Variants in ARPC2 observed in about 807,000 individuals in gnomAD.
ARPC2 encodes actin related protein 2/3 complex subunit 2.
ARPC2 carries 4 observed loss-of-function variants against 38.6 expected under a neutral mutation model. That is an observed-to-expected ratio of 0.10 (90% CI 0.05 to 0.24). The LOEUF (loss-of-function observed/expected upper bound fraction) is 0.24, where lower values mean the gene tolerates loss of function less well. ARPC2 is among the 10% of genes least tolerant of loss of function. The pLI is 1.00. For missense variants in ARPC2, 229 were observed against 387.3 expected (o/e 0.59, Z 3.43); for synonymous variants, 125 against 140.8 (o/e 0.89, Z 0.79).
chr2:218,217,266 G>GGGTA lies in ARPC2; in HGVS notation c.-9+15_-9+16insAGGT. 1 of 550,582 alleles carries GGGTA rather than the reference G, an allele frequency of 1.8e-6. No individual in the cohort carries two copies. Among genetic ancestry groups the GGGTA allele is most frequent in the South Asian group, 2.2e-5 (1 of 45,538 alleles). 34.1% of individuals were successfully genotyped at this position (550,582 alleles called of 1,614,324 possible). A position where few individuals can be genotyped will look rare whatever the true frequency, so the allele number is the denominator to read the frequency against. ...GCTTCGGGGGCCAGGTCGGTTGGGT[G>GGGTA]GGTGGGTGTCTCCACAGTCTGCGTG... On this transcript the variant is annotated intron_variant, in intron 1 of 10. Coordinates refer to ENST00000315717, the MANE Select transcript of ARPC2 (RefSeq NM_152862.3).
chr2:218,244,040 C>T (rs1689974087), intron 7 of ARPC2, among the ~76,000 whole-genome samples: 1 of 152,196 alleles, frequency 6.6e-6, no homozygotes, highest in Non-Finnish European at 1.5e-5. Context: ...TAAAAAGCTT[C>T]TTAACCCCTT....
chr2:218,218,313 G>A (rs1032571760), intron 2 of ARPC2, among the ~76,000 whole-genome samples: 2 of 152,070 alleles, frequency 1.3e-5, no homozygotes, highest in African/African-American at 4.8e-5. Context: ...GGTAGCCCTG[G>A]CCCAGTTACA....
chr2:218,238,585 T>A, intron 5 of ARPC2, 79 bp from the exon 6 acceptor site: 1 of 1,037,704 alleles, frequency 9.6e-7, no homozygotes, highest in Non-Finnish European at 1.4e-6. Context: ...ATAGATAGTA[T>A]GCTGCTTTTT....
chr2:218,225,845 G>GT (rs1342908398), intron 2 of ARPC2, 75 bp from the exon 3 acceptor site: 1 of 1,410,030 alleles, frequency 7.1e-7, no homozygotes, highest in African/African-American at 1.4e-5. Flanking sequence ...TGAAGCTCAG[G>GT]TGCCTTTCCA....
Position 218,253,197 on chromosome 2 carries a change from A to G in ARPC2, c.879-694A>G, listed in dbSNP as rs751325606. ...CCAAGACAGGGAAAATCTAGAGCCC[A>G]TGTTTTTGCCCTGATTTCCCATAGT... On this transcript the variant is annotated intron_variant, in intron 10 of 10. Coordinates refer to ENST00000315717, the MANE Select transcript of ARPC2 (RefSeq NM_152862.3). Among the ~76,000 whole-genome samples the G allele has an allele frequency of 5.3e-5, 8 of 152,156 alleles. No individual in the cohort carries two copies. The South Asian group carries it at 6.2e-4, about 12-fold the overall frequency.
At chr2:218,248,038 C>T (rs1690089616) in intron 8 of ARPC2, among the ~76,000 whole-genome samples, 1 of 151,862 alleles carries the variant, frequency 6.6e-6, no homozygotes, top group Non-Finnish European at 1.5e-5. Context: ...CTTCAGCCTC[C>T]CAAAGTGCTG....
At chr2:218,234,479 T>C in intron 5 of ARPC2, 82 bp downstream of exon 5, 1 of 1,130,332 alleles carries the variant, frequency 8.8e-7, no homozygotes, top group Non-Finnish European at 1.3e-6. Flanking sequence ...ACCCAAAGGA[T>C]TTCGTTTAAA....
chr2:218,233,854 A>G (rs1689702551), intron 4 of ARPC2: 1 of 152,960 alleles, frequency 6.5e-6, no homozygotes, highest in South Asian at 2.1e-4. Context: ...CAAGTCCTAA[A>G]AAAGGATGAG....
chr2:218,247,645 G>A (rs2106159012), intron 8 of ARPC2, among the ~76,000 whole-genome samples: 1 of 151,772 alleles, frequency 6.6e-6, no homozygotes, highest in South Asian at 2.1e-4. Flanking sequence ...TGTATTTTCA[G>A]TAGAAACAGG....
chr2:218,252,820 G>A (rs1185437518), intron 10 of ARPC2: 3 of 445,992 alleles, frequency 6.7e-6, no homozygotes. Flanking sequence ...TGTGTAGCGG[G>A]CAGGGATAGC....
At position 218,249,461 on chromosome 2, in the gene ARPC2, T is replaced by A; in HGVS notation, c.774T>A (p.Ser258=). The stretch of plus-strand genomic sequence containing the variant: ...ACCTGCACTACCACATCAAGTGCTC[T>A]AAGGTGAGGGGGGTGCCAGCATCTC... ...RDYLHYHIKC[S]KAYIHTRMRA... is the part of the protein sequence containing the mutation. Residue 258 remains serine, a synonymous_variant, in exon 9 of 11, where the codon TCT becomes TCA. Transcript: ENST00000315717. 6.2e-7 allele frequency: 1 copy of A among 1,600,894 alleles called. No homozygotes were observed. The highest frequency in any genetic ancestry group is 8.5e-7 in the Non-Finnish European group (1 of 1,171,072).
chr2:218,230,560 A>G (rs1418711074), intron 4 of ARPC2, among the ~76,000 whole-genome samples: 3 of 151,966 alleles, frequency 2.0e-5, no homozygotes, highest in South Asian at 2.1e-4. Context: ...GGGCCTCCCA[A>G]AGTGCTGGGA....
intron 4 of ARPC2, among the ~76,000 whole-genome samples, chr2:218,230,101 G>A (rs1689594396): frequency 6.6e-6 from 1 of 151,138 alleles, no homozygotes; most frequent in South Asian, 2.1e-4. Context: ...CTCCTGAGTA[G>A]CTGGGATTAC....
In ARPC2 at chr2:218,232,190, G is replaced by A. The variant is rs563882856; in HGVS notation, c.223-2162G>A. Among the ~76,000 whole-genome samples the A allele has an allele frequency of 5.3e-5, 8 of 152,206 alleles. No homozygotes were observed. In the East Asian group the frequency reaches 9.7e-4, roughly 18 times the overall value. ...CAGGAGGTGGAGGTTGCAATGAGCCGAGATCACGCCACTGCACTCCAGCCT... is the reference window on the plus strand; with the variant it reads ...CAGGAGGTGGAGGTTGCAATGAGCCAAGATCACGCCACTGCACTCCAGCCT... On this transcript the variant is annotated intron_variant, in intron 4 of 10. Coordinates refer to ENST00000315717, the MANE Select transcript of ARPC2 (RefSeq NM_152862.3).
At chr2:218,222,198 C>T (rs560199124) in intron 2 of ARPC2, among the ~76,000 whole-genome samples, 24 of 152,108 alleles carry the variant, frequency 1.6e-4, no homozygotes, top group East Asian at 5.8e-4. Flanking sequence ...ACCCAGGAGG[C>T]GGAGGTTGCA....
chr2:218,248,303 C>T (rs1690096165), intron 8 of ARPC2, among the ~76,000 whole-genome samples: 2 of 152,220 alleles, frequency 1.3e-5, no homozygotes, highest in African/African-American at 4.8e-5. Context: ...TCCACACTTC[C>T]TTAGGAGGCA....
At chr2:218,220,028 A>G (rs1345482167) in intron 2 of ARPC2, among the ~76,000 whole-genome samples, 1 of 152,156 alleles carries the variant, frequency 6.6e-6, no homozygotes, top group East Asian at 1.9e-4. Flanking sequence ...ATAAACATGT[A>G]TGGGATTCTA....
chr2:218,228,104 A>G (rs1487315313), intron 3 of ARPC2, among the ~76,000 whole-genome samples: 6 of 152,120 alleles, frequency 3.9e-5, no homozygotes, highest in Admixed American at 2.6e-4. Flanking sequence ...AGAATTGTCC[A>G]TGTGTTAATA....
chr2:218,222,024 T>C (rs959978200), intron 2 of ARPC2, among the ~76,000 whole-genome samples: 2 of 152,156 alleles, frequency 1.3e-5, no homozygotes, highest in African/African-American at 4.8e-5. Flanking sequence ...TCCCAGCACT[T>C]TGGGAGGCCA....
Sources: allele counts gnomAD v4.1 joint callset (sites outside exome capture counted in the v4.1 genomes callset), GRCh38; gene constraint gnomAD v4.1.1; transcripts MANE v1.5; gene names NCBI Gene and HGNC (gene_info 2026-07-23, HGNC 2026-07-21).